The following POT1 variants were observed in gnomAD, a reference collection of about 807,000 sequenced individuals.
POT1 encodes the protein protection of telomeres protein 1.
Under a neutral mutation model 78.5 loss-of-function variants are expected in POT1, and 47 were observed. That is an observed-to-expected ratio of 0.60 (90% CI 0.47 to 0.76). The LOEUF (loss-of-function observed/expected upper bound fraction) is 0.76. POT1 is among the 30% of genes least tolerant of loss of function. The pLI is 0.00. For missense variants in POT1, 646 were observed against 749.9 expected (o/e 0.86, Z 1.62); for synonymous variants, 259 against 260.7 (o/e 0.99, Z 0.06).
chr7:124,833,736 T>A (rs1303790546), intron 15 of POT1, among the ~76,000 whole-genome samples: 1 of 152,204 alleles, frequency 6.6e-6, no homozygotes, highest in Non-Finnish European at 1.5e-5. Flanking sequence ...AGCCTCTGGC[T>A]GAGGAATCAA....
intron 6 of POT1, among the ~76,000 whole-genome samples, chr7:124,879,450 AAAT>A (rs1254051894): frequency 6.6e-6 from 1 of 152,174 alleles, no homozygotes; most frequent in Non-Finnish European, 1.5e-5. Context: ...AATGAGGGAA[AAAT>A]AATAATAGGC....
At chr7:124,902,306 C>T (rs554010158) in intron 3 of POT1, among the ~76,000 whole-genome samples, 1 of 152,234 alleles carries the variant, frequency 6.6e-6, no homozygotes, top group South Asian at 2.1e-4. Flanking sequence ...AAGGGAAGCC[C>T]ATCAGACTAA....
intron 3 of POT1, among the ~76,000 whole-genome samples, chr7:124,909,678 T>C (rs930714771): frequency 6.6e-6 from 1 of 151,950 alleles, no homozygotes; most frequent in Non-Finnish European, 1.5e-5. Context: ...TTAACTAGTG[T>C]AGTTCTATTC....
At chr7:124,848,198 A>T (rs1464721527) in intron 11 of POT1, among the ~76,000 whole-genome samples, 1 of 152,160 alleles carries the variant, frequency 6.6e-6, no homozygotes, top group Non-Finnish European at 1.5e-5. Flanking sequence ...AAACTCATGG[A>T]GTGGTTCATA....
At chr7:124,843,424 A>G (rs1446069950) in intron 12 of POT1, among the ~76,000 whole-genome samples, 1 of 152,196 alleles carries the variant, frequency 6.6e-6, no homozygotes, top group Non-Finnish European at 1.5e-5. Context: ...AATCAGATTA[A>G]GAATAGGAAG....
chr7:124,902,819 G>T (rs1216982899), intron 3 of POT1, among the ~76,000 whole-genome samples: 1 of 151,992 alleles, frequency 6.6e-6, no homozygotes, highest in African/African-American at 2.4e-5. Context: ...CAAATTAAAG[G>T]GATGGAGGAA....
rs535705757 is a variant in POT1, at chr7:124,889,017, T to C, written c.124+3249A>G. Reference sequence around the variant, plus strand: ...AGAGTCACATGTCTCTCACTTTAAATCAAAAGTTACAAATGATGAAGCTTA... The same window carrying C: ...AGAGTCACATGTCTCTCACTTTAAACCAAAAGTTACAAATGATGAAGCTTA... On this transcript the variant is annotated intron_variant, in intron 6 of 18. Coordinates refer to ENST00000357628, the MANE Select transcript of POT1 (RefSeq NM_015450.3). 3.3e-5 allele frequency among the ~76,000 whole-genome samples: 5 copies of C among 152,034 alleles called. No individual in the cohort carries two copies. The East Asian group carries it at 9.7e-4, about 29-fold the overall frequency.
At chr7:124,850,467 C>A (rs922566494) in intron 11 of POT1, among the ~76,000 whole-genome samples, 4 of 152,190 alleles carry the variant, frequency 2.6e-5, no homozygotes, top group Non-Finnish European at 5.9e-5. Flanking sequence ...ATGGCCTGTG[C>A]CTGTAATCCC....
At chr7:124,921,613 C>T (rs1007154793) in intron 2 of POT1, among the ~76,000 whole-genome samples, 7 of 152,012 alleles carry the variant, frequency 4.6e-5, no homozygotes, top group Non-Finnish European at 4.4e-5. Context: ...ACCCCCTCAA[C>T]TAAAATTTAA....
chr7:124,924,389 A>G lies in POT1; in HGVS notation c.-227+4426T>C, dbSNP rs1797225649. 2.6e-5 allele frequency among the ~76,000 whole-genome samples: 4 copies of G among 152,062 alleles called. No homozygotes were observed. The South Asian group carries it at 8.3e-4, about 31-fold the overall frequency. On this transcript the variant is annotated intron_variant, in intron 2 of 18. Transcript: ENST00000357628. ...ACTAGAAAACCAAGAGAAAATGGATAAATTGCTGGAAACATACAGCCTCCC... is the reference window on the plus strand; with the variant it reads ...ACTAGAAAACCAAGAGAAAATGGATGAATTGCTGGAAACATACAGCCTCCC...
intron 11 of POT1, among the ~76,000 whole-genome samples, chr7:124,850,838 T>C (rs1387421730): frequency 6.6e-6 from 1 of 152,016 alleles, no homozygotes; most frequent in Admixed American, 6.6e-5. Context: ...ATGCTTATTA[T>C]TGAGATGGAA....
chr7:124,912,646 C>T (rs1796918647), intron 3 of POT1, among the ~76,000 whole-genome samples: 1 of 152,066 alleles, frequency 6.6e-6, no homozygotes, highest in South Asian at 2.1e-4. Flanking sequence ...TTTGGCTCAT[C>T]GGTGTCTAGG....
intron 14 of POT1, chr7:124,837,154 T>A: frequency 3.7e-6 from 1 of 266,686 alleles, no homozygotes; most frequent in Non-Finnish European, 7.4e-6. Context: ...TACTTCACCA[T>A]TTTCTCTTGG....
intron 3 of POT1, among the ~76,000 whole-genome samples, chr7:124,902,518 G>A (rs190450772): frequency 1.7e-3 from 265 of 152,232 alleles, no homozygotes; most frequent in Non-Finnish European, 2.3e-3. Context: ...AAGAGCTCCC[G>A]AAGGAAGCAC....
Position 124,823,679 on chromosome 7 carries a change from T to G in POT1, c.*283A>C, listed in dbSNP as rs1236077956. The G allele has an allele frequency of 3.5e-6, 1 of 282,184 alleles. No individual in the cohort carries two copies. Among genetic ancestry groups the G allele is most frequent in the Non-Finnish European group, 6.5e-6 (1 of 153,022 alleles). 17.5% of individuals were successfully genotyped at this position (282,184 alleles called of 1,614,324 possible). On this transcript the variant is annotated 3_prime_UTR_variant, in exon 19 of 19. Transcript: ENST00000357628. Reference sequence around the variant, plus strand: ...ACCCCAACAAAGCAACTTTGCCATTTCTACTTAAAGTACACTGTAGCTTGA... The same window carrying G: ...ACCCCAACAAAGCAACTTTGCCATTGCTACTTAAAGTACACTGTAGCTTGA...
At chr7:124,870,832 A>G (rs1795849241) in intron 7 of POT1, 79 bp downstream of exon 7, 1 of 1,193,946 alleles carries the variant, frequency 8.4e-7, no homozygotes, top group South Asian at 2.8e-5. Context: ...GCAACTATAT[A>G]ATTAGTGCTA....
intron 18 of POT1, among the ~76,000 whole-genome samples, chr7:124,824,772 A>G (rs1375277183): frequency 6.6e-6 from 1 of 152,148 alleles, no homozygotes; most frequent in East Asian, 1.9e-4. Context: ...GAAATGAGGA[A>G]GATCTGGTTT....
intron 3 of POT1, among the ~76,000 whole-genome samples, chr7:124,902,483 T>G (rs576625069): frequency 1.3e-5 from 2 of 152,214 alleles, no homozygotes; most frequent in East Asian, 3.9e-4. Context: ...GCTGAAAGAT[T>G]TTGTCACCAC....
At chr7:124,892,599 T>C in intron 5 of POT1, 1 of 326,598 alleles carries the variant, frequency 3.1e-6, no homozygotes, top group East Asian at 5.0e-5. Flanking sequence ...CACTAGCTCA[T>C]AAAGGCATAA....
Sources: gnomAD v4.1 joint callset for allele counts (sites outside exome capture counted in the v4.1 genomes callset) on GRCh38, gnomAD v4.1.1 for gene constraint, MANE v1.5 for transcripts, NCBI Gene and HGNC (gene_info 2026-07-23, HGNC 2026-07-21) for gene names.